Variants in SSTR5 observed in about 807,000 individuals in gnomAD.
SSTR5 encodes somatostatin receptor type 5.
SSTR5 carries 1 observed loss-of-function variant against 0.3 expected under a neutral mutation model. That is an observed-to-expected ratio of 2.98 (90% CI 1.06 to 14.15). The LOEUF is 14.15. Among genes scored for constraint, SSTR5 ranks in the 30% most tolerant of loss-of-function variants. SSTR5 has a pLI of 0.12. For synonymous variants in SSTR5, 256 were observed against 263.1 expected (o/e 0.97, Z 0.26); for missense variants, 516 against 543.2 (o/e 0.95, Z 0.50).
In SSTR5 at chr16:1,079,499, T is replaced by C; in HGVS notation, c.631T>C (p.Phe211Leu). 6.2e-7 allele frequency: 1 copy of C among 1,611,916 alleles called. No individual in the cohort carries two copies. Among genetic ancestry groups the C allele is most frequent in the Non-Finnish European group, 8.5e-7 (1 of 1,179,416 alleles). The change falls in exon 2 of 2, where the codon TTC (phenylalanine) becomes CTC (leucine). Residue 211 changes from phenylalanine (F) to leucine (L), a missense_variant. By Grantham distance (22) the Phe-to-Leu change is conservative. Transcript: ENST00000689027. Reference protein sequence around the residue: ...FIIYTAVLGFFAPLLVICLCY... With the variant: ...FIIYTAVLGFLAPLLVICLCY... Reference sequence around the variant, plus strand: ...CATCTACACGGCCGTGCTGGGCTTCTTCGCGCCGCTGCTGGTCATCTGCCT... The same window carrying C: ...CATCTACACGGCCGTGCTGGGCTTCCTCGCGCCGCTGCTGGTCATCTGCCT...
At chr16:1,073,515 AC>A in intron 1 of SSTR5, 1 of 152,126 alleles carries the variant, frequency 6.6e-6, no homozygotes, top group Non-Finnish European at 1.5e-5. Context: ...CTGGGGTGCC[AC>A]CCCGCCCGCT....
intron 1 of SSTR5, among the ~76,000 whole-genome samples, chr16:1,074,402 T>A (rs931997795): frequency 6.6e-6 from 1 of 152,086 alleles, no homozygotes; most frequent in East Asian, 1.9e-4. Context: ...CTGCCCCCCA[T>A]GAAGGAGCCG....
rs370234501 is a variant in SSTR5, at chr16:1,079,169, G to A, written c.301G>A (p.Ala101Thr). 45 of 1,612,556 alleles carry A rather than the reference G, an allele frequency of 2.8e-5. No individual in the cohort carries two copies. Among genetic ancestry groups the A allele is most frequent in the Middle Eastern group, 1.6e-4 (1 of 6,062 alleles). Residue 101 changes from alanine (A) to threonine (T), a missense_variant, in exon 2 of 2, where the codon GCC becomes ACC. Ala to Thr is a moderately conservative substitution (Grantham distance 58). Coordinates refer to ENST00000689027, the MANE Select transcript of SSTR5 (RefSeq NM_001172560.3). Reference protein sequence around the residue: ...LGLPFLATQNAASFWPFGPVL... With the variant: ...LGLPFLATQNTASFWPFGPVL... ...GCTGCCTTTCCTGGCCACGCAGAAC[G>A]CCGCGTCCTTCTGGCCCTTCGGCCC...
In SSTR5 at chr16:1,080,204, G is replaced by C. The variant is rs1016370607; in HGVS notation, c.*241G>C. 2 of 554,382 alleles carry C rather than the reference G, an allele frequency of 3.6e-6. No homozygotes were observed. The highest frequency in any genetic ancestry group is 6.3e-6 in the Non-Finnish European group (2 of 315,960). The allele number at this position is 554,382 out of a possible 1,614,324, so 34.3% of individuals were successfully genotyped here. On this transcript the variant is annotated 3_prime_UTR_variant, in exon 2 of 2. Transcript: ENST00000689027. ...GGAGGTAGGGGAGGTGGCCAGACCG[G>C]TGGGGGGCTCCGCCATGCCGTGCAA...
At chr16:1,075,965 C>CCCTCTCCCCATACCCTGTCTT (rs1960188882) in intron 1 of SSTR5, among the ~76,000 whole-genome samples, 1 of 4,246 alleles carries the variant, frequency 2.4e-4, no homozygotes, top group African/African-American at 7.2e-4. Flanking sequence ...CCACCTCCCC[C>CCCTCTCCCCATACCCTGTCTT]TCTCTCTCCC....
At chr16:1,077,258 C>T (rs1215914809) in intron 1 of SSTR5, among the ~76,000 whole-genome samples, 2 of 152,184 alleles carry the variant, frequency 1.3e-5, no homozygotes, top group Admixed American at 6.5e-5. Context: ...GCTGAGGTCA[C>T]CACAGCCGGC....
At chr16:1,073,968 C>T (rs1960142100) in intron 1 of SSTR5, among the ~76,000 whole-genome samples, 1 of 152,232 alleles carries the variant, frequency 6.6e-6, no homozygotes, top group Non-Finnish European at 1.5e-5. Flanking sequence ...CCTGCTGCTG[C>T]TGCTCCAGGC....
Position 1,079,078 on chromosome 16 carries a change from G to A in SSTR5, c.210G>A (p.Lys70=). 1 of 1,612,630 alleles carries A rather than the reference G, an allele frequency of 6.2e-7. No individual in the cohort carries two copies. The highest frequency in any genetic ancestry group is 2.2e-5 in the East Asian group (1 of 44,864). The change falls in exon 2 of 2, where the codon AAG becomes AAA. Residue 70 remains lysine (K), a synonymous_variant. Transcript: ENST00000689027. Reference sequence around the variant, plus strand: ...TCTACGTGGTGCTGCGCTTCGCCAAGATGAAGACCGTCACCAACATCTACA... The same window carrying A: ...TCTACGTGGTGCTGCGCTTCGCCAAAATGAAGACCGTCACCAACATCTACA... ...LVIYVVLRFA[K]MKTVTNIYIL... is the part of the protein sequence containing the mutation.
chr16:1,073,996 A>G (rs972821240), intron 1 of SSTR5, among the ~76,000 whole-genome samples: 7 of 152,154 alleles, frequency 4.6e-5, no homozygotes, highest in African/African-American at 1.7e-4. Context: ...CACCTGCCTC[A>G]GTTTCCCTCT....
At chr16:1,077,518 G>C (rs1204071503) in intron 1 of SSTR5, 1 of 152,226 alleles carries the variant, frequency 6.6e-6, no homozygotes, top group African/African-American at 2.4e-5. Flanking sequence ...CAACCTCCTG[G>C]GCTCAAATGA....
At position 1,079,441 on chromosome 16, in the gene SSTR5, G is replaced by T. The variant is rs34608001; in HGVS notation, c.573G>T (p.Pro191=). 6.2e-7 allele frequency: 1 copy of T among 1,604,310 alleles called. No individual in the cohort carries two copies. The highest frequency in any genetic ancestry group is 8.5e-7 in the Non-Finnish European group (1 of 1,175,858). The change falls in exon 2 of 2, where the codon CCG becomes CCT. Residue 191 remains proline, a synonymous_variant. Coordinates refer to ENST00000689027, the MANE Select transcript of SSTR5 (RefSeq NM_001172560.3). ...QEGGTCNASW[P]EPVGLWGAVF... is the part of the protein sequence containing the mutation. ...GCGGTACCTGCAACGCCAGCTGGCC[G>T]GAGCCCGTGGGGCTGTGGGGCGCCG...
In SSTR5 at chr16:1,079,476, T is replaced by C; in HGVS notation, c.608T>C (p.Ile203Thr). The change falls in exon 2 of 2, where the codon ATC (isoleucine) becomes ACC (threonine). Residue 203 changes from isoleucine (I) to threonine (T), a missense_variant. Physicochemically the swap from Ile to Thr is moderately conservative, Grantham distance 89 (BLOSUM62 -1). Coordinates refer to ENST00000689027, the MANE Select transcript of SSTR5 (RefSeq NM_001172560.3). ...GGGCTGTGGGGCGCCGTCTTCATCA[T>C]CTACACGGCCGTGCTGGGCTTCTTC... Reference protein sequence around the residue: ...PVGLWGAVFIIYTAVLGFFAP... With the variant: ...PVGLWGAVFITYTAVLGFFAP... The C allele has an allele frequency of 6.2e-7, 1 of 1,610,712 alleles. No individual in the cohort carries two copies. Among genetic ancestry groups the C allele is most frequent in the Non-Finnish European group, 8.5e-7 (1 of 1,178,918 alleles).
intron 1 of SSTR5, among the ~76,000 whole-genome samples, chr16:1,075,221 G>A (rs1960168760): frequency 6.6e-6 from 1 of 152,212 alleles, no homozygotes; most frequent in South Asian, 2.1e-4. Context: ...TTGCTGCTCT[G>A]AAGTCTAACT....
In SSTR5 at chr16:1,081,122, C is replaced by A. The variant is rs778578084; in HGVS notation, c.*1159C>A. 14 of 470,336 alleles carry A rather than the reference C, an allele frequency of 3.0e-5. No homozygotes were observed. Among genetic ancestry groups the A allele is most frequent in the Admixed American group, 2.6e-4 (11 of 42,514 alleles). The allele number at this position is 470,336 out of a possible 1,614,324, so 29.1% of individuals were successfully genotyped here. A position where few individuals can be genotyped will look rare whatever the true frequency, so the allele number is the denominator to read the frequency against. Reference sequence around the variant, plus strand: ...CACCCCAAACACCAGCTTTTCCTGGCGCCCCAGGCCCAGAACGTGGGCCCA... The same window carrying A: ...CACCCCAAACACCAGCTTTTCCTGGAGCCCCAGGCCCAGAACGTGGGCCCA... On this transcript the variant is annotated 3_prime_UTR_variant, in exon 2 of 2. Transcript: ENST00000689027.
rs1259438464 is a variant in SSTR5, at chr16:1,081,240, C to T, written c.*1277C>T. 4 of 418,894 alleles carry T rather than the reference C, an allele frequency of 9.5e-6. No homozygotes were observed. The highest frequency in any genetic ancestry group is 2.1e-5 in the African/African-American group (1 of 48,408). The allele number at this position is 418,894 out of a possible 1,614,324, so 25.9% of individuals were successfully genotyped here. A position where few individuals can be genotyped will look rare whatever the true frequency, so the allele number is the denominator to read the frequency against. ...TGCGGCATCACTCGGCCTCAGGGAC[C>T]CCTCTGCCCTGCCCAGCACTGGCCC... On this transcript the variant is annotated 3_prime_UTR_variant, in exon 2 of 2. Transcript: ENST00000689027.
intron 1 of SSTR5, among the ~76,000 whole-genome samples, chr16:1,076,645 T>C (rs1166428176): frequency 2.6e-5 from 4 of 152,046 alleles, no homozygotes; most frequent in Non-Finnish European, 4.4e-5. Flanking sequence ...CTCCAGTGAA[T>C]CTTTCAACCC....
At position 1,078,860 on chromosome 16, in the gene SSTR5, G is replaced by A; in HGVS notation, c.-9G>A. On this transcript the variant is annotated 5_prime_UTR_variant, in exon 2 of 2. Coordinates refer to ENST00000689027, the MANE Select transcript of SSTR5 (RefSeq NM_001172560.3). Reference sequence around the variant, plus strand: ...CTTGCAGAGCCTGACGCACCCCAGGGCTGCCGCCATGGAGCCCCTGTTCCC... The same window carrying A: ...CTTGCAGAGCCTGACGCACCCCAGGACTGCCGCCATGGAGCCCCTGTTCCC... 6.2e-7 allele frequency: 1 copy of A among 1,603,910 alleles called. No homozygotes were observed. Among genetic ancestry groups the A allele is most frequent in the Non-Finnish European group, 8.5e-7 (1 of 1,179,242 alleles).
chr16:1,075,023 G>A lies in SSTR5; in HGVS notation c.-28+2201G>A, dbSNP rs936293256. ...CAGATCCCTTCGTGGCCGAGGGCTC[G>A]GGATCAGAAAGCTCCTACTGCTGGC... On this transcript the variant is annotated intron_variant, in intron 1 of 1. Transcript: ENST00000689027. Among the ~76,000 whole-genome samples, 5 of 152,252 alleles carry A rather than the reference G, an allele frequency of 3.3e-5. No homozygotes were observed. The East Asian group carries it at 5.8e-4, about 18-fold the overall frequency.
chr16:1,076,381 G>A (rs1025285286), intron 1 of SSTR5, among the ~76,000 whole-genome samples: 8 of 128,806 alleles, frequency 6.2e-5, no homozygotes, highest in Admixed American at 1.7e-4. Context: ...CCACTGCTCC[G>A]TCCCTGCTGA....
Sources: gnomAD v4.1 joint callset for allele counts (sites outside exome capture counted in the v4.1 genomes callset) on GRCh38, gnomAD v4.1.1 for gene constraint, MANE v1.5 for transcripts, NCBI Gene and HGNC (gene_info 2026-07-23, HGNC 2026-07-21) for gene names.